XRN1: variants seen among roughly 807,000 people sequenced by gnomAD.
XRN1 encodes strand-exchange protein 1 homolog.
XRN1 carries 67 observed loss-of-function variants against 222.3 expected under a neutral mutation model. The observed-to-expected ratio is 0.30, with a 90% CI of 0.25 to 0.37. XRN1 has a LOEUF of 0.37. XRN1 is among the 10% of genes least tolerant of loss of function. The pLI, the probability that XRN1 is intolerant of heterozygous loss-of-function variation, is 1.00. For synonymous variants in XRN1, 643 were observed against 652.4 expected, an observed-to-expected ratio of 0.99 and a Z score of 0.22; for missense variants, 1,707 against 2,000.2, an observed-to-expected ratio of 0.85 and a Z score of 2.80.
chr3:142,330,134 T>C (rs976244407), intron 36 of XRN1, among the ~76,000 whole-genome samples: 18 of 152,244 alleles, frequency 1.2e-4, no homozygotes, highest in African/African-American at 4.1e-4. Context: ...ACAGGTAAAA[T>C]TTGAACAAAC....
chr3:142,432,949 T>G, intron 1 of XRN1, 56 bp from the exon 2 acceptor site: 1 of 1,332,264 alleles, frequency 7.5e-7, no homozygotes, highest in Admixed American at 2.0e-5. Flanking sequence ...TACAGATATC[T>G]TAAGCAGCAG....
At chr3:142,356,167 C>T (rs1265235279) in intron 31 of XRN1, among the ~76,000 whole-genome samples, 1 of 152,016 alleles carries the variant, frequency 6.6e-6, no homozygotes, top group Admixed American at 6.6e-5. Flanking sequence ...AAATTGACAC[C>T]TAAAGATTTT....
intron 23 of XRN1, among the ~76,000 whole-genome samples, chr3:142,378,504 T>G (rs1175599563): frequency 6.6e-6 from 1 of 152,114 alleles, no homozygotes; most frequent in Non-Finnish European, 1.5e-5. Flanking sequence ...AAGGACACAC[T>G]TTTAGAAATT....
intron 22 of XRN1, among the ~76,000 whole-genome samples, chr3:142,381,707 C>T (rs1442228942): frequency 6.6e-6 from 1 of 151,684 alleles, no homozygotes; most frequent in Non-Finnish European, 1.5e-5. Flanking sequence ...GCTGAGATTA[C>T]ATGCATATGC....
chr3:142,347,160 T>A (rs987284153), intron 33 of XRN1, 74 bp downstream of exon 33: 12 of 1,069,694 alleles, frequency 1.1e-5, no homozygotes, highest in Admixed American at 6.9e-5. Flanking sequence ...GTATGTAAAT[T>A]ATATCAATAA....
At chr3:142,360,373 T>C (rs973455334) in intron 29 of XRN1, among the ~76,000 whole-genome samples, 5 of 152,224 alleles carry the variant, frequency 3.3e-5, no homozygotes, top group Non-Finnish European at 7.3e-5. Flanking sequence ...GTTTTCTGGA[T>C]ATATAGTATC....
chr3:142,447,451 T>C lies in XRN1; in HGVS notation c.75+419A>G, dbSNP rs994423152. Among the ~76,000 whole-genome samples, 2 of 152,148 alleles carry C rather than the reference T, an allele frequency of 1.3e-5. No homozygotes were observed. Among genetic ancestry groups the C allele is most frequent in the African/African-American group, 4.8e-5 (2 of 41,432 alleles). On this transcript the variant is annotated intron_variant, in intron 1 of 40. Coordinates refer to ENST00000392981, the MANE Select transcript of XRN1 (RefSeq NM_001282857.2). The surrounding 1 kb of genome is among the most constrained non-coding windows in gnomAD (Gnocchi z 4.2). ...TGACTGCGTGCGGAAGCGGCTGTTA[T>C]CGTCTGTAAGTGGGTCTGCCGCTCT...
chr3:142,348,610 G>A (rs1473070263), intron 32 of XRN1, among the ~76,000 whole-genome samples: 6 of 152,118 alleles, frequency 3.9e-5, no homozygotes, highest in African/African-American at 7.2e-5. Context: ...TTATTTCACC[G>A]TTTTGCTTTT....
At chr3:142,383,618 C>A (rs1328740774) in intron 21 of XRN1, among the ~76,000 whole-genome samples, 1 of 152,102 alleles carries the variant, frequency 6.6e-6, no homozygotes, top group African/African-American at 2.4e-5. Context: ...TCATTTAATC[C>A]TCATGACAAA....
At chr3:142,381,433 T>C (rs2067300897) in intron 22 of XRN1, among the ~76,000 whole-genome samples, 1 of 152,180 alleles carries the variant, frequency 6.6e-6, no homozygotes, top group Non-Finnish European at 1.5e-5. Context: ...AACTATTTTC[T>C]TCCTTTATTA....
rs962227116 is a variant in XRN1, at chr3:142,306,753, G to T, written c.*4758C>A. ...TTCATGCTAGAAATCTACGGATAAC[G>T]TAACACCACAAAAATACATTCGGAG... is the stretch of plus-strand genomic sequence containing the variant. On this transcript the variant is annotated 3_prime_UTR_variant, in exon 41 of 41. Transcript: ENST00000392981. 6.6e-6 allele frequency: 1 copy of T among 152,486 alleles called. No individual in the cohort carries two copies. Among genetic ancestry groups the T allele is most frequent in the African/African-American group, 2.4e-5 (1 of 41,390 alleles). The allele number at this position is 152,486 out of a possible 1,614,324, so 9.4% of individuals were successfully genotyped here.
intron 13 of XRN1, 95 bp downstream of exon 13, chr3:142,417,045 A>T: frequency 1.2e-6 from 1 of 857,846 alleles, no homozygotes; most frequent in Non-Finnish European, 1.7e-6. Flanking sequence ...AAATTACCAT[A>T]AGTAGAAATA....
intron 2 of XRN1, among the ~76,000 whole-genome samples, chr3:142,431,406 C>G (rs549937982): frequency 2.0e-5 from 3 of 152,138 alleles, no homozygotes; most frequent in Admixed American, 1.3e-4. Flanking sequence ...CCTGGCCAGA[C>G]GTGGTGGCTC....
chr3:142,317,668 C>T (rs1158796761), intron 39 of XRN1, among the ~76,000 whole-genome samples: 1 of 152,150 alleles, frequency 6.6e-6, no homozygotes, highest in Non-Finnish European at 1.5e-5. Context: ...CGGGGGTAGT[C>T]TCACCACTTT....
chr3:142,395,118 T>C (rs1418023266), intron 20 of XRN1, among the ~76,000 whole-genome samples: 3 of 152,198 alleles, frequency 2.0e-5, no homozygotes, highest in African/African-American at 7.2e-5. Context: ...CACCTCATGC[T>C]ACTAACATTC....
At chr3:142,388,556 C>T (rs908464507) in intron 20 of XRN1, among the ~76,000 whole-genome samples, 2 of 152,142 alleles carry the variant, frequency 1.3e-5, no homozygotes, top group Non-Finnish European at 2.9e-5. Context: ...TAGTAGTTAA[C>T]TTTTTGTTAG....
intron 2 of XRN1, among the ~76,000 whole-genome samples, chr3:142,428,393 C>CAA (rs56759656): frequency 2.3e-4 from 20 of 85,586 alleles, no homozygotes; most frequent in East Asian, 3.3e-4. Context: ...CAAGACTCTC[C>CAA]AAAAAAAAAA....
In XRN1 at chr3:142,361,970, T is replaced by A. The variant is rs1156521104; in HGVS notation, c.3395-2039A>T. Reference sequence around the variant, plus strand: ...TTTCTTTTCTTTTTCTCTCTTTTTTTTTTTTTTTTTTTTTTTGAGACAGAG... The same window carrying A: ...TTTCTTTTCTTTTTCTCTCTTTTTTATTTTTTTTTTTTTTTTGAGACAGAG... On this transcript the variant is annotated intron_variant, in intron 29 of 40. Transcript: ENST00000392981. 9.8e-3 allele frequency among the ~76,000 whole-genome samples: 1,318 copies of A among 133,902 alleles called. 17 individuals are homozygous for A. The highest frequency in any genetic ancestry group is 0.015 in the Non-Finnish European group (914 of 62,626). The allele number at this position is 133,902 out of a possible 152,430, so 87.8% of individuals were successfully genotyped here.
intron 20 of XRN1, among the ~76,000 whole-genome samples, chr3:142,392,011 G>A (rs1047441915): frequency 2.0e-5 from 3 of 151,128 alleles, no homozygotes; most frequent in African/African-American, 7.3e-5. Flanking sequence ...CCTTTTCCAG[G>A]TCTTCTTCCA....
Sources: allele counts gnomAD v4.1 joint callset (sites outside exome capture counted in the v4.1 genomes callset), GRCh38; gene constraint gnomAD v4.1.1; non-coding constraint Gnocchi (gnomAD v3.1); transcripts MANE v1.5; gene names NCBI Gene and HGNC (gene_info 2026-07-23, HGNC 2026-07-21).